ATG5: variants seen among roughly 807,000 people sequenced by gnomAD.
ATG5 encodes the protein autophagy related 5, also known as autophagy protein 5.
ATG5 carries 14 observed loss-of-function variants against 36.5 expected under a neutral mutation model. The observed-to-expected ratio is 0.38, with a 90% CI of 0.25 to 0.60. ATG5 has a LOEUF of 0.60. Among genes scored for constraint, ATG5 ranks in the 20% least tolerant of loss-of-function variants. The probability of loss-of-function intolerance (pLI) is 0.60; values close to 1 mark genes in which losing one functional copy is unlikely to be tolerated. For missense variants in ATG5, 195 were observed against 326.7 expected, an observed-to-expected ratio of 0.60 and a Z score of 3.11; for synonymous variants, 95 against 101.5, an observed-to-expected ratio of 0.94 and a Z score of 0.38.
intron 7 of ATG5, among the ~76,000 whole-genome samples, chr6:106,193,703 T>G (rs1235868129): frequency 3.9e-5 from 6 of 152,212 alleles, no homozygotes; most frequent in Admixed American, 3.9e-4. Flanking sequence ...AATGACCCAG[T>G]AATTCTAGTT....
intron 3 of ATG5, among the ~76,000 whole-genome samples, 185 bp from the exon 4 acceptor site, chr6:106,293,291 T>A (rs1405540688): frequency 1.3e-5 from 2 of 152,182 alleles, no homozygotes; most frequent in African/African-American, 4.8e-5. Context: ...CATCAGGTGG[T>A]TTCCTTCTAA....
chr6:106,276,209 A>G (rs1779641187), intron 5 of ATG5, among the ~76,000 whole-genome samples: 1 of 152,194 alleles, frequency 6.6e-6, no homozygotes, highest in African/African-American at 2.4e-5. Context: ...TCACGCCTGT[A>G]ATCCCAGCAC....
chr6:106,247,038 T>A (rs1778369517), intron 6 of ATG5, among the ~76,000 whole-genome samples: 1 of 152,222 alleles, frequency 6.6e-6, no homozygotes, highest in African/African-American at 2.4e-5. Flanking sequence ...TCTTCCAGTA[T>A]ATTGAGATGT....
At chr6:106,186,945 T>C (rs981919374) in intron 7 of ATG5, among the ~76,000 whole-genome samples, 2 of 152,314 alleles carry the variant, frequency 1.3e-5, no homozygotes, top group Admixed American at 1.3e-4. Flanking sequence ...TTACTTAAGA[T>C]TGACGTTAAT....
chr6:106,286,825 C>G lies in ATG5; in HGVS notation c.315+6203G>C, dbSNP rs146908694. ...ACAGCCAACAAGAAGATAGGCCCCTCAATCCTACAACCATAGGATATGAAT... is the reference window on the plus strand; with the variant it reads ...ACAGCCAACAAGAAGATAGGCCCCTGAATCCTACAACCATAGGATATGAAT... On this transcript the variant is annotated intron_variant, in intron 4 of 7. Coordinates refer to ENST00000369076, the MANE Select transcript of ATG5 (RefSeq NM_004849.4). Among the ~76,000 whole-genome samples, 443 of 152,290 alleles carry G rather than the reference C, an allele frequency of 2.9e-3. 2 individuals carry two copies. The highest frequency in any genetic ancestry group is 1.0e-2 in the African/African-American group (414 of 41,550).
intron 6 of ATG5, among the ~76,000 whole-genome samples, chr6:106,226,847 G>A (rs1328782074): frequency 6.6e-6 from 1 of 152,050 alleles, no homozygotes; most frequent in Non-Finnish European, 1.5e-5. Flanking sequence ...AACTTGAGGG[G>A]CTCAACAGCT....
intron 3 of ATG5, among the ~76,000 whole-genome samples, chr6:106,305,544 GTTCT>G (rs145618695): frequency 0.054 from 8,178 of 152,222 alleles, 369 homozygotes; most frequent in Non-Finnish European, 0.081. Context: ...ATCAATTTCT[GTTCT>G]TTCTTCCCTC....
chr6:106,210,769 A>G (rs1302293441), intron 6 of ATG5, among the ~76,000 whole-genome samples: 1 of 152,216 alleles, frequency 6.6e-6, no homozygotes. Flanking sequence ...AAATGAGGAT[A>G]TTAACAGTAT....
chr6:106,291,825 C>G (rs990192250), intron 4 of ATG5, among the ~76,000 whole-genome samples: 32 of 152,178 alleles, frequency 2.1e-4, no homozygotes, highest in African/African-American at 7.5e-4. Context: ...TCATGCATAC[C>G]AACACTATGT....
chr6:106,266,255 G>A (rs1359174625), intron 5 of ATG5, among the ~76,000 whole-genome samples: 2 of 152,190 alleles, frequency 1.3e-5, no homozygotes, highest in Non-Finnish European at 2.9e-5. Context: ...AGAAGAAATG[G>A]ATAAATTATT....
chr6:106,303,693 A>C (rs534796839), intron 3 of ATG5, among the ~76,000 whole-genome samples: 1 of 152,322 alleles, frequency 6.6e-6, no homozygotes, highest in East Asian at 1.9e-4. Flanking sequence ...CAATGTATAA[A>C]ACTTATTACA....
At chr6:106,196,949 G>C (rs1316984454) in intron 7 of ATG5, among the ~76,000 whole-genome samples, 1 of 151,804 alleles carries the variant, frequency 6.6e-6, no homozygotes, top group African/African-American at 2.4e-5. Context: ...GGATTAAAAA[G>C]CAACTGTTAA....
intron 6 of ATG5, among the ~76,000 whole-genome samples, chr6:106,224,795 C>T (rs1477443280): frequency 1.3e-5 from 2 of 152,076 alleles, no homozygotes; most frequent in African/African-American, 2.4e-5. Flanking sequence ...GTAGGAGAAT[C>T]GCTTGAACCC....
chr6:106,196,820 GGCACTCCTTAACCACACCCAC>G (rs564992923), intron 7 of ATG5, among the ~76,000 whole-genome samples: 22,729 of 151,670 alleles, frequency 0.15, 2,013 homozygotes, highest in Non-Finnish European at 0.19. Flanking sequence ...TCCCACTCTA[GGCACTCCTTAACCACACCCAC>G]AAACTAGAAA....
chr6:106,321,459 C>T (rs1440563222), intron 1 of ATG5, among the ~76,000 whole-genome samples: 3 of 151,960 alleles, frequency 2.0e-5, no homozygotes, highest in Non-Finnish European at 2.9e-5. Flanking sequence ...CCCGGGTTCA[C>T]GCCATTCTCC....
intron 5 of ATG5, among the ~76,000 whole-genome samples, chr6:106,255,743 T>C (rs3804332): frequency 0.075 from 11,496 of 152,272 alleles, 735 homozygotes; most frequent in Admixed American, 0.22. Context: ...TATATTAAAA[T>C]TTCTAATAAT....
chr6:106,230,612 A>G (rs989527477), intron 6 of ATG5, among the ~76,000 whole-genome samples: 3 of 152,224 alleles, frequency 2.0e-5, no homozygotes, highest in Non-Finnish European at 4.4e-5. Context: ...ACTAATGCTC[A>G]TCGGAAAATG....
intron 6 of ATG5, among the ~76,000 whole-genome samples, chr6:106,208,913 A>G (rs557798273): frequency 2.0e-5 from 3 of 152,250 alleles, no homozygotes; most frequent in East Asian, 3.8e-4. Context: ...GTGGCAAATA[A>G]GCATATGAAA....
chr6:106,283,194 T>C (rs1365947232), intron 4 of ATG5, among the ~76,000 whole-genome samples: 1 of 152,144 alleles, frequency 6.6e-6, no homozygotes, highest in Non-Finnish European at 1.5e-5. Context: ...GAGATTCAAT[T>C]TGCTAGTACT....
Sources: gnomAD v4.1 joint callset for allele counts (sites outside exome capture counted in the v4.1 genomes callset) on GRCh38, gnomAD v4.1.1 for gene constraint, MANE v1.5 for transcripts, NCBI Gene and HGNC (gene_info 2026-07-23, HGNC 2026-07-21) for gene names.